The following CACNA2D3 variants were observed in gnomAD, a reference collection of about 807,000 sequenced individuals.
The protein encoded by CACNA2D3 is voltage-dependent calcium channel subunit alpha-2/delta-3.
Under a neutral mutation model 160.6 loss-of-function variants are expected in CACNA2D3, and 60 were observed. The observed-to-expected ratio is 0.37, with a 90% CI of 0.30 to 0.46. CACNA2D3 has a LOEUF of 0.46. Among genes scored for constraint, CACNA2D3 ranks in the 20% least tolerant of loss-of-function variants. The pLI is 1.00. For missense variants in CACNA2D3, 1,205 were observed against 1,365.0 expected (o/e 0.88, Z 1.85); for synonymous variants, 558 against 492.9 (o/e 1.13, Z -1.75).
intron 14 of CACNA2D3, among the ~76,000 whole-genome samples, chr3:54,835,986 G>A (rs752319898): frequency 6.6e-6 from 1 of 152,180 alleles, no homozygotes; most frequent in South Asian, 2.1e-4. Flanking sequence ...GACTTCACTA[G>A]TGCAGTTAGG....
chr3:55,024,211 T>A (rs78776864), intron 35 of CACNA2D3, among the ~76,000 whole-genome samples: 43 of 149,958 alleles, frequency 2.9e-4, no homozygotes, highest in African/African-American at 1.0e-3. Context: ...CTTAACTCCA[T>A]GAAGTTCTGC....
intron 27 of CACNA2D3, among the ~76,000 whole-genome samples, chr3:54,929,011 G>A (rs1398514934): frequency 1.3e-5 from 2 of 152,122 alleles, no homozygotes; most frequent in Non-Finnish European, 2.9e-5. Context: ...AAAACAAAAT[G>A]TTCTGCTGTG....
chr3:55,035,464 T>C (rs1418265042), intron 35 of CACNA2D3, among the ~76,000 whole-genome samples: 1 of 152,198 alleles, frequency 6.6e-6, no homozygotes, highest in Admixed American at 6.5e-5. Context: ...TTGAGATTAA[T>C]GGACCCTGAT....
chr3:54,459,212 G>A (rs1296988954), intron 4 of CACNA2D3, among the ~76,000 whole-genome samples: 6 of 151,856 alleles, frequency 4.0e-5, no homozygotes, highest in Non-Finnish European at 8.8e-5. Context: ...TGCTATTGTG[G>A]ATAGTGCTGC....
chr3:54,710,568 A>G (rs1030014352), intron 11 of CACNA2D3, among the ~76,000 whole-genome samples: 2 of 152,192 alleles, frequency 1.3e-5, no homozygotes, highest in Non-Finnish European at 1.5e-5. Context: ...TCCATTGTCC[A>G]GAATTTAGCC....
At chr3:54,731,752 T>G (rs1172746709) in intron 11 of CACNA2D3, among the ~76,000 whole-genome samples, 2 of 152,074 alleles carry the variant, frequency 1.3e-5, no homozygotes. Flanking sequence ...TGTAACTATG[T>G]GTTAAAATGT....
At position 54,482,607 on chromosome 3, in the gene CACNA2D3, C is replaced by G. The variant is rs368719468; in HGVS notation, c.382-20885C>G. On this transcript the variant is annotated intron_variant, in intron 4 of 37. Coordinates refer to ENST00000474759, the MANE Select transcript of CACNA2D3 (RefSeq NM_018398.3). Reference sequence around the variant, plus strand: ...TTATTTGTCTTCTTTTCACATGCCTCACCCAGTGCCCACCTGCATTAGTCC... The same window carrying G: ...TTATTTGTCTTCTTTTCACATGCCTGACCCAGTGCCCACCTGCATTAGTCC... 5.3e-5 allele frequency among the ~76,000 whole-genome samples: 8 copies of G among 152,308 alleles called. No homozygotes were observed. In the East Asian group the frequency reaches 1.4e-3, roughly 26 times the overall value.
intron 4 of CACNA2D3, among the ~76,000 whole-genome samples, chr3:54,435,865 C>T (rs1160367810): frequency 2.0e-5 from 3 of 152,050 alleles, no homozygotes; most frequent in Non-Finnish European, 4.4e-5. Flanking sequence ...ATTAGAAAAT[C>T]TTAGCCAAAA....
intron 2 of CACNA2D3, among the ~76,000 whole-genome samples, chr3:54,196,993 A>G (rs1163573177): frequency 3.3e-5 from 5 of 152,228 alleles, no homozygotes; most frequent in Admixed American, 6.5e-5. Flanking sequence ...TATAAAAGCT[A>G]TAATAGGACT....
intron 11 of CACNA2D3, among the ~76,000 whole-genome samples, chr3:54,655,768 C>A (rs566094858): frequency 6.6e-6 from 1 of 152,230 alleles, no homozygotes; most frequent in African/African-American, 2.4e-5. Context: ...AGATGAGTTT[C>A]AAGAAACAAG....
At chr3:54,139,340 G>A (rs1320662614) in intron 2 of CACNA2D3, among the ~76,000 whole-genome samples, 1 of 152,270 alleles carries the variant, frequency 6.6e-6, no homozygotes, top group African/African-American at 2.4e-5. Context: ...CCACCTCGGG[G>A]TGCTGTCCAG....
intron 3 of CACNA2D3, among the ~76,000 whole-genome samples, chr3:54,328,913 G>T (rs1171084607): frequency 6.6e-5 from 10 of 152,188 alleles, no homozygotes; most frequent in Admixed American, 6.5e-4. Context: ...TCAGCTGGGA[G>T]CATCGGCGGC....
At chr3:55,008,918 CACACACAG>C (rs964922270) in intron 33 of CACNA2D3, among the ~76,000 whole-genome samples, 1 of 151,436 alleles carries the variant, frequency 6.6e-6, no homozygotes, top group African/African-American at 2.4e-5. Flanking sequence ...CACACACACA[CACACACAG>C]GGGGCTTAAA....
intron 17 of CACNA2D3, among the ~76,000 whole-genome samples, 200 bp from the exon 18 acceptor site, chr3:54,871,339 A>T (rs1460911725): frequency 6.6e-6 from 1 of 152,068 alleles, no homozygotes; most frequent in Non-Finnish European, 1.5e-5. Flanking sequence ...CCCAACTTGG[A>T]GCCAATGTTT....
chr3:54,130,595 C>G (rs148117980), intron 2 of CACNA2D3, among the ~76,000 whole-genome samples: 260 of 152,282 alleles, frequency 1.7e-3, no homozygotes, highest in African/African-American at 4.1e-3. Context: ...TAGGGACTAC[C>G]ATTCACCCCA....
chr3:55,013,665 T>G (rs748684086), intron 34 of CACNA2D3, among the ~76,000 whole-genome samples: 3 of 152,152 alleles, frequency 2.0e-5, no homozygotes, highest in African/African-American at 4.8e-5. Context: ...ATCTGCTCCA[T>G]TTCCTTAATG....
At chr3:54,152,112 T>G (rs1392205691) in intron 2 of CACNA2D3, among the ~76,000 whole-genome samples, 1 of 152,250 alleles carries the variant, frequency 6.6e-6, no homozygotes, top group Non-Finnish European at 1.5e-5. Context: ...GACTTGTGTT[T>G]GGTTATCTGT....
chr3:54,837,329 G>A lies in CACNA2D3; in HGVS notation c.1470+99G>A, dbSNP rs1350168918. 3.6e-5 allele frequency: 33 copies of A among 914,010 alleles called. 1 individual carries two copies. The East Asian group carries it at 7.7e-4, about 21-fold the overall frequency. The allele number at this position is 914,010 out of a possible 1,614,324, so 56.6% of individuals were successfully genotyped here. On this transcript the variant is annotated intron_variant, in intron 15 of 37. Coordinates refer to ENST00000474759, the MANE Select transcript of CACNA2D3 (RefSeq NM_018398.3). The stretch of plus-strand genomic sequence containing the variant: ...TGGTGACTTTTGATTTTTAAGCATA[G>A]GATGTATGTCATTTTTCCTTATTGT...
At chr3:54,358,047 A>G (rs1456655638) in intron 3 of CACNA2D3, among the ~76,000 whole-genome samples, 1 of 152,256 alleles carries the variant, frequency 6.6e-6, no homozygotes, top group East Asian at 1.9e-4. Flanking sequence ...AATGTAAACT[A>G]TGGGCTTTAA....
Sources: gnomAD v4.1 joint callset for allele counts (sites outside exome capture counted in the v4.1 genomes callset) on GRCh38, gnomAD v4.1.1 for gene constraint, MANE v1.5 for transcripts, NCBI Gene and HGNC (gene_info 2026-07-23, HGNC 2026-07-21) for gene names.